Variants in STARD3NL observed in about 807,000 individuals in gnomAD.
STARD3NL encodes STARD3 N-terminal like, also known as STARD3 N-terminal-like protein.
In STARD3NL, 17 loss-of-function variants were observed where a neutral mutation model predicts 30.9. The ratio of observed to expected loss-of-function variants is 0.55; its 90% CI spans 0.38 to 0.82. The LOEUF (loss-of-function observed/expected upper bound fraction) is 0.82. Among genes scored for constraint, STARD3NL ranks in the 40% least tolerant of loss-of-function variants. The probability of loss-of-function intolerance (pLI) is 0.00; values close to 1 mark genes in which losing one functional copy is unlikely to be tolerated. For synonymous variants in STARD3NL, 112 were observed against 100.5 expected, an observed-to-expected ratio of 1.11 and a Z score of -0.69; for missense variants, 234 against 277.6, an observed-to-expected ratio of 0.84 and a Z score of 1.12.
At chr7:38,197,970 A>C (rs1302927418) in intron 1 of STARD3NL, among the ~76,000 whole-genome samples, 3 of 152,190 alleles carry the variant, frequency 2.0e-5, no homozygotes, top group Non-Finnish European at 4.4e-5. Context: ...GGGCCTTGCA[A>C]GACAGCCAGC....
intron 8 of STARD3NL, among the ~76,000 whole-genome samples, chr7:38,229,232 C>T (rs1304086825): frequency 6.6e-6 from 1 of 152,180 alleles, no homozygotes; most frequent in African/African-American, 2.4e-5. Context: ...CTGTTATCAC[C>T]TCCATTTTAC....
At position 38,200,394 on chromosome 7, in the gene STARD3NL, A is replaced by G. The variant is rs1785120184; in HGVS notation, c.-58-7053A>G. Among the ~76,000 whole-genome samples, 4 of 152,140 alleles carry G rather than the reference A, an allele frequency of 2.6e-5. No individual in the cohort carries two copies. In the South Asian group the frequency reaches 8.3e-4, roughly 31 times the overall value. On this transcript the variant is annotated intron_variant, in intron 1 of 8. Transcript: ENST00000009041. Reference sequence around the variant, plus strand: ...GCTTCTCGTTCTTCCCTGTTCCACTATTTTTAATTCTCATTTAACCTATAT... The same window carrying G: ...GCTTCTCGTTCTTCCCTGTTCCACTGTTTTTAATTCTCATTTAACCTATAT...
chr7:38,181,522 G>A (rs904784535), intron 1 of STARD3NL, among the ~76,000 whole-genome samples: 2 of 152,172 alleles, frequency 1.3e-5, no homozygotes, highest in Admixed American at 1.3e-4. Flanking sequence ...GAATATGGTA[G>A]ATGAATAATA....
intron 1 of STARD3NL, 66 bp downstream of exon 1, chr7:38,178,486 T>A (rs1453554582): frequency 1.3e-5 from 2 of 152,432 alleles, no homozygotes; most frequent in Non-Finnish European, 2.9e-5. Context: ...GTCAGATGAC[T>A]TACATGGGGG....
intron 4 of STARD3NL, chr7:38,216,455 C>CTG (rs1491219083): frequency 4.7e-5 from 5 of 106,926 alleles, no homozygotes; most frequent in African/African-American, 2.4e-4. Flanking sequence ...TCCCAAGCAG[C>CTG]TCTGTGTGTG....
intron 1 of STARD3NL, among the ~76,000 whole-genome samples, chr7:38,194,729 A>G (rs1297346965): frequency 6.6e-6 from 1 of 152,102 alleles, no homozygotes; most frequent in African/African-American, 2.4e-5. Flanking sequence ...AGAGTTCCTT[A>G]TTGCAAGATT....
At chr7:38,201,296 AT>A (rs1318517295) in intron 1 of STARD3NL, among the ~76,000 whole-genome samples, 1 of 152,214 alleles carries the variant, frequency 6.6e-6, no homozygotes, top group African/African-American at 2.4e-5. Flanking sequence ...CATATGAAAA[AT>A]AATGTAATGA....
At chr7:38,199,018 T>C (rs1281279831) in intron 1 of STARD3NL, among the ~76,000 whole-genome samples, 1 of 152,244 alleles carries the variant, frequency 6.6e-6, no homozygotes, top group African/African-American at 2.4e-5. Flanking sequence ...TAATGTAGTA[T>C]AGAGGAGGAT....
intron 2 of STARD3NL, among the ~76,000 whole-genome samples, chr7:38,212,008 G>C (rs1306069221): frequency 6.6e-6 from 1 of 151,738 alleles, no homozygotes; most frequent in East Asian, 1.9e-4. Flanking sequence ...ACTGTTTCCA[G>C]CTTCAACCAA....
At chr7:38,193,175 C>G (rs1340427664) in intron 1 of STARD3NL, among the ~76,000 whole-genome samples, 1 of 152,132 alleles carries the variant, frequency 6.6e-6, no homozygotes, top group Non-Finnish European at 1.5e-5. Context: ...AATTTCAAAG[C>G]TTTTGGCCTA....
At chr7:38,188,663 C>T (rs1304320131) in intron 1 of STARD3NL, among the ~76,000 whole-genome samples, 1 of 152,186 alleles carries the variant, frequency 6.6e-6, no homozygotes, top group Non-Finnish European at 1.5e-5. Context: ...GGTTCTTAAA[C>T]CATGTAGTTC....
chr7:38,226,418 G>A (rs558492275), intron 7 of STARD3NL, among the ~76,000 whole-genome samples: 1 of 152,144 alleles, frequency 6.6e-6, no homozygotes, highest in East Asian at 1.9e-4. Flanking sequence ...CATGTCTAGA[G>A]CCTACTGATT....
At chr7:38,205,177 C>T (rs62443329) in intron 1 of STARD3NL, among the ~76,000 whole-genome samples, 11,699 of 152,156 alleles carry the variant, frequency 0.077, 587 homozygotes, top group Non-Finnish European at 0.11. Context: ...GGCAGAGACA[C>T]AACAAAAAAA....
chr7:38,190,162 A>G (rs906613516), intron 1 of STARD3NL, among the ~76,000 whole-genome samples: 1 of 152,214 alleles, frequency 6.6e-6, no homozygotes, highest in Non-Finnish European at 1.5e-5. Context: ...ATGGGCAGAT[A>G]GCATATGCAG....
At chr7:38,186,232 GA>G (rs1784451330) in intron 1 of STARD3NL, among the ~76,000 whole-genome samples, 1 of 152,140 alleles carries the variant, frequency 6.6e-6, no homozygotes, top group African/African-American at 2.4e-5. Flanking sequence ...ATGGTTGACA[GA>G]ACTAATGAGT....
chr7:38,212,469 A>T (rs764183050), intron 2 of STARD3NL, among the ~76,000 whole-genome samples: 7 of 152,068 alleles, frequency 4.6e-5, no homozygotes, highest in Non-Finnish European at 1.0e-4. Context: ...TCTGTGTAGC[A>T]TTTGTTTTCT....
At chr7:38,184,664 A>ATAT (rs570869644) in intron 1 of STARD3NL, among the ~76,000 whole-genome samples, 14,445 of 145,966 alleles carry the variant, frequency 0.099, 765 homozygotes, top group African/African-American at 0.11. Flanking sequence ...TATAGTATAT[A>ATAT]ATATATACTA....
At chr7:38,190,717 T>C (rs1185967705) in intron 1 of STARD3NL, among the ~76,000 whole-genome samples, 9 of 152,254 alleles carry the variant, frequency 5.9e-5, no homozygotes. Context: ...GGCTTGTGCA[T>C]TGCATGTGAT....
chr7:38,179,409 A>G (rs1030712137), intron 1 of STARD3NL, among the ~76,000 whole-genome samples: 2 of 152,230 alleles, frequency 1.3e-5, no homozygotes, highest in African/African-American at 4.8e-5. Flanking sequence ...TTTAAAATCT[A>G]ACTGTCTCAA....
Sources: gnomAD v4.1 joint callset for allele counts (sites outside exome capture counted in the v4.1 genomes callset) on GRCh38, gnomAD v4.1.1 for gene constraint, MANE v1.5 for transcripts, NCBI Gene and HGNC (gene_info 2026-07-23, HGNC 2026-07-21) for gene names.